The following SMPDL3B variants were observed in gnomAD, a reference collection of about 807,000 sequenced individuals.
SMPDL3B encodes the protein sphingomyelin phosphodiesterase acid like 3B, also known as acid sphingomyelinase-like phosphodiesterase 3b.
A neutral mutation model predicts 37.9 loss-of-function variants in SMPDL3B; 31 were observed. The ratio of observed to expected loss-of-function variants is 0.82; its 90% CI spans 0.61 to 1.10. SMPDL3B has a LOEUF of 1.10. Ranked by LOEUF, SMPDL3B falls within the 50% of genes least tolerant of loss-of-function variation. The pLI is 0.00. For missense variants in SMPDL3B, 525 were observed against 597.8 expected (o/e 0.88, Z 1.27); for synonymous variants, 235 against 242.6 (o/e 0.97, Z 0.29).
At chr1:27,956,282 CT>C in intron 7 of SMPDL3B, 200 bp downstream of exon 7, 1 of 1,516,338 alleles carries the variant, frequency 6.6e-7, no homozygotes, top group South Asian at 1.3e-5. Context: ...ACCAAGTCAC[CT>C]TTTCCCCTGG....
rs908803367 is a variant in SMPDL3B, at chr1:27,953,712, G to A, written c.517+354G>A. On this transcript the variant is annotated intron_variant, in intron 4 of 7. Transcript: ENST00000373894. ...AACCTTGCCACCACTGACACCATGG[G>A]CTGGATAACTCTGTCGCAGACAACT... 3.3e-5 allele frequency among the ~76,000 whole-genome samples: 5 copies of A among 152,318 alleles called. No homozygotes were observed. The East Asian group carries it at 9.6e-4, about 29-fold the overall frequency.
chr1:27,959,083 A>C lies in SMPDL3B; in HGVS notation c.*245A>C. On this transcript the variant is annotated 3_prime_UTR_variant, in exon 8 of 8. Transcript: ENST00000373894. ...AACAGAAAAGAAATGACGACCCAAGACCCCCCTACAAGCATACTTCTTTTG... is the reference window on the plus strand; with the variant it reads ...AACAGAAAAGAAATGACGACCCAAGCCCCCCCTACAAGCATACTTCTTTTG... 5 of 511,246 alleles carry C rather than the reference A, an allele frequency of 9.8e-6. No individual in the cohort carries two copies. The highest frequency in any genetic ancestry group is 3.0e-5 in the East Asian group (1 of 33,490). The allele number at this position is 511,246 out of a possible 1,614,324, so 31.7% of individuals were successfully genotyped here.
chr1:27,953,104 T>C, intron 3 of SMPDL3B, 111 bp from the exon 4 acceptor site: 1 of 754,928 alleles, frequency 1.3e-6, no homozygotes, highest in Non-Finnish European at 2.2e-6. Context: ...TTTCCTCATC[T>C]GTGCTATCGC....
In SMPDL3B at chr1:27,945,299, G is replaced by T; in HGVS notation, c.129G>T (p.Gln43His). Reference sequence around the variant, plus strand: ...ACAAGGTATCCAAAGACCCCTTCCAGGTGTGCCCATCAGCTGGATCCCAGC... The same window carrying T: ...ACAAGGTATCCAAAGACCCCTTCCATGTGTGCCCATCAGCTGGATCCCAGC... Reference protein sequence around the residue: ...PDYKVSKDPFQVCPSAGSQPV... With the variant: ...PDYKVSKDPFHVCPSAGSQPV... Residue 43 changes from glutamine to histidine, a missense_variant, in exon 2 of 8, where the codon CAG (glutamine) becomes CAT (histidine). Physicochemically the swap from Gln to His is conservative, Grantham distance 24. Transcript: ENST00000373894. This position sits in a 1 kb window ranked among gnomAD's most constrained non-coding sequence, Gnocchi z 4.0. 6.2e-7 allele frequency: 1 copy of T among 1,614,190 alleles called. No homozygotes were observed. The highest frequency in any genetic ancestry group is 8.5e-7 in the Non-Finnish European group (1 of 1,180,032).
At chr1:27,937,064 C>T (rs1049297611) in intron 1 of SMPDL3B, among the ~76,000 whole-genome samples, 2 of 152,016 alleles carry the variant, frequency 1.3e-5, no homozygotes, top group East Asian at 1.9e-4. Flanking sequence ...AAAGGAATTC[C>T]GCAGCACCTG....
At chr1:27,952,474 A>T (rs1182803546) in intron 3 of SMPDL3B, among the ~76,000 whole-genome samples, 2 of 152,218 alleles carry the variant, frequency 1.3e-5, no homozygotes, top group Non-Finnish European at 2.9e-5. Flanking sequence ...ATATTTATTG[A>T]GCACCGATTA....
intron 1 of SMPDL3B, among the ~76,000 whole-genome samples, chr1:27,943,786 G>A (rs1255706299): frequency 6.6e-6 from 1 of 151,770 alleles, no homozygotes; most frequent in Non-Finnish European, 1.5e-5. Flanking sequence ...ATCACCTGAG[G>A]TCAAGGAGTT....
Position 27,958,642 on chromosome 1 carries a change from G to A in SMPDL3B, c.1172G>A (p.Arg391His), listed in dbSNP as rs377311454. 1.8e-5 allele frequency: 29 copies of A among 1,613,776 alleles called. No homozygotes were observed. Among genetic ancestry groups the A allele is most frequent in the Non-Finnish European group, 2.2e-5 (26 of 1,179,940 alleles). ...RIAGDQSTLQ[R>H]YYVYNSVSYS... ...GCTGGCGACCAGAGCACACTGCAGC[G>A]CTACTACGTCTATAACTCAGTCAGC... The change falls in exon 8 of 8, where the codon CGC becomes CAC. Residue 391 changes from arginine to histidine, a missense_variant. By Grantham distance (29) the Arg-to-His change is conservative. Transcript: ENST00000373894. This position sits in a 1 kb window ranked among gnomAD's most constrained non-coding sequence, Gnocchi z 5.6.
At chr1:27,946,091 T>C (rs1219010794) in intron 2 of SMPDL3B, among the ~76,000 whole-genome samples, 2 of 152,128 alleles carry the variant, frequency 1.3e-5, no homozygotes, top group African/African-American at 2.4e-5. Context: ...TAGTGGCTCA[T>C]GCTTGTAATT....
At position 27,956,016 on chromosome 1, in the gene SMPDL3B, G is replaced by T. The variant is rs1200150577; in HGVS notation, c.939G>T (p.Val313=). ...CATGGAAAACCACATTACCTGGAGT[G>T]GTCAATGGGGCCAACAATCCAGCCA... ...VTPWKTTLPG[V]VNGANNPAIR... is the part of the protein sequence containing the mutation. Residue 313 remains valine, a synonymous_variant, in exon 7 of 8, where the codon GTG becomes GTT. Transcript: ENST00000373894. The T allele has an allele frequency of 6.2e-7, 1 of 1,613,988 alleles. No homozygotes were observed. The highest frequency in any genetic ancestry group is 1.3e-5 in the African/African-American group (1 of 74,878).
In SMPDL3B at chr1:27,958,925, G is replaced by A. The variant is rs1463647625; in HGVS notation, c.*87G>A. ...AGCTGGGCCTTCCACCATTTCCTCC[G>A]CGCCTGAGGAGTGAACTGAAATAGG... is the stretch of plus-strand genomic sequence containing the variant. On this transcript the variant is annotated 3_prime_UTR_variant, in exon 8 of 8. Transcript: ENST00000373894. The surrounding 1 kb of genome is among the most constrained non-coding windows in gnomAD (Gnocchi z 5.6). 4 of 1,408,170 alleles carry A rather than the reference G, an allele frequency of 2.8e-6. No individual in the cohort carries two copies. The highest frequency in any genetic ancestry group is 3.8e-6 in the Non-Finnish European group (4 of 1,066,190). The allele number at this position is 1,408,170 out of a possible 1,614,324, so 87.2% of individuals were successfully genotyped here.
chr1:27,953,185 A>C, intron 3 of SMPDL3B, 30 bp from the exon 4 acceptor site: 8 of 1,592,492 alleles, frequency 5.0e-6, no homozygotes, highest in Admixed American at 1.7e-5. Context: ...TTTTGCATAT[A>C]TATTTTGATA....
Position 27,945,146 on chromosome 1 carries a change from G to T in SMPDL3B, c.62-86G>T, listed in dbSNP as rs945826067. On this transcript the variant is annotated intron_variant, in intron 1 of 7. Coordinates refer to ENST00000373894, the MANE Select transcript of SMPDL3B (RefSeq NM_014474.4). The surrounding 1 kb of genome is among the most constrained non-coding windows in gnomAD (Gnocchi z 4.0). Reference sequence around the variant, plus strand: ...TTCCATTTGCCTGTGTAACGCCCCTGCCCCAGCCCAGGGCTCCCCTGGACT... The same window carrying T: ...TTCCATTTGCCTGTGTAACGCCCCTTCCCCAGCCCAGGGCTCCCCTGGACT... 28 of 1,332,996 alleles carry T rather than the reference G, an allele frequency of 2.1e-5. No individual in the cohort carries two copies. The highest frequency in any genetic ancestry group is 2.6e-5 in the Non-Finnish European group (24 of 935,218). 82.6% of individuals were successfully genotyped at this position (1,332,996 alleles called of 1,614,324 possible).
At chr1:27,937,374 C>T (rs918118502) in intron 1 of SMPDL3B, among the ~76,000 whole-genome samples, 1 of 152,204 alleles carries the variant, frequency 6.6e-6, no homozygotes, top group Admixed American at 6.5e-5. Flanking sequence ...GGAGCAGGAC[C>T]AGGGCAGGAA....
chr1:27,942,630 G>C (rs1490608347), intron 1 of SMPDL3B, among the ~76,000 whole-genome samples: 1 of 149,638 alleles, frequency 6.7e-6, no homozygotes, highest in Non-Finnish European at 1.5e-5. Context: ...GATTAAAAGA[G>C]TGTACCACCA....
chr1:27,941,230 A>C (rs574457578), intron 1 of SMPDL3B, among the ~76,000 whole-genome samples: 1 of 152,340 alleles, frequency 6.6e-6, no homozygotes, highest in South Asian at 2.1e-4. Flanking sequence ...GTCAACAGGC[A>C]TGACGACATT....
rs766062068 is a variant in SMPDL3B, at chr1:27,958,611, C to T, written c.1141C>T (p.Arg381Cys). ...SAHSMHTVLD[R>C]IAGDQSTLQR... ...CCACTCCATGCACACAGTGCTGGAC[C>T]GCATCGCTGGCGACCAGAGCACACT... The change falls in exon 8 of 8, where the codon CGC becomes TGC. Residue 381 changes from arginine (R) to cysteine (C), a missense_variant. Transcript: ENST00000373894. The surrounding 1 kb of genome is among the most constrained non-coding windows in gnomAD (Gnocchi z 5.6). 8 of 1,613,552 alleles carry T rather than the reference C, an allele frequency of 5.0e-6. No homozygotes were observed. Among genetic ancestry groups the T allele is most frequent in the Non-Finnish European group, 6.8e-6 (8 of 1,179,754 alleles).
At chr1:27,955,367 C>A (rs1343818734) in intron 5 of SMPDL3B, among the ~76,000 whole-genome samples, 2 of 152,228 alleles carry the variant, frequency 1.3e-5, no homozygotes, top group East Asian at 3.8e-4. Context: ...AGTGTTCAAG[C>A]TCTCCAAGAG....
At chr1:27,949,031 G>T in intron 2 of SMPDL3B, 34 bp from the exon 3 acceptor site, 1 of 1,613,964 alleles carries the variant, frequency 6.2e-7, no homozygotes, top group South Asian at 1.1e-5. Flanking sequence ...TTCCTGAGTT[G>T]CCTGCCCCAA....
Sources: allele counts gnomAD v4.1 joint callset (sites outside exome capture counted in the v4.1 genomes callset), GRCh38; gene constraint gnomAD v4.1.1; non-coding constraint Gnocchi (gnomAD v3.1); transcripts MANE v1.5; gene names NCBI Gene and HGNC (gene_info 2026-07-23, HGNC 2026-07-21).